The following KCNAB1 variants were observed in gnomAD, a reference collection of about 807,000 sequenced individuals.
KCNAB1 encodes the protein voltage-gated potassium channel subunit beta-1.
KCNAB1 carries 35 observed loss-of-function variants against 64.6 expected under a neutral mutation model. The ratio of observed to expected loss-of-function variants is 0.54; its 90% confidence interval spans 0.41 to 0.72. The LOEUF (loss-of-function observed/expected upper bound fraction) is 0.72, where lower values mean the gene tolerates loss of function less well. Among genes scored for constraint, KCNAB1 ranks in the 30% least tolerant of loss-of-function variants. KCNAB1 has a pLI of 0.00. For missense variants in KCNAB1, 401 were observed against 512.9 expected, an observed-to-expected ratio of 0.78 and a Z score of 2.11; for synonymous variants, 177 against 183.8, an observed-to-expected ratio of 0.96 and a Z score of 0.30.
intron 1 of KCNAB1, among the ~76,000 whole-genome samples, chr3:156,214,306 A>G (rs1302055686): frequency 6.6e-6 from 1 of 152,136 alleles, no homozygotes; most frequent in Non-Finnish European, 1.5e-5. Flanking sequence ...ACTGCTACTT[A>G]TGATTGGCAT....
intron 8 of KCNAB1, among the ~76,000 whole-genome samples, chr3:156,501,728 G>A (rs554719490): frequency 5.9e-5 from 9 of 152,068 alleles, no homozygotes; most frequent in Non-Finnish European, 1.2e-4. Flanking sequence ...CACTGCGCCC[G>A]GCCTGACTTA....
At chr3:156,251,174 T>C (rs749314117) in intron 1 of KCNAB1, among the ~76,000 whole-genome samples, 9 of 152,226 alleles carry the variant, frequency 5.9e-5, no homozygotes, top group Non-Finnish European at 1.0e-4. Context: ...TACTTGAGTA[T>C]GCTTGCAAAT....
At chr3:156,342,705 C>T (rs893486352) in intron 1 of KCNAB1, among the ~76,000 whole-genome samples, 6 of 149,532 alleles carry the variant, frequency 4.0e-5, no homozygotes, top group Admixed American at 6.8e-5. Flanking sequence ...TGGTGCGCTG[C>T]GCCCACTAAC....
chr3:156,520,587 T>C (rs1717879108), intron 11 of KCNAB1, among the ~76,000 whole-genome samples: 1 of 152,062 alleles, frequency 6.6e-6, no homozygotes, highest in African/African-American at 2.4e-5. Context: ...CGAAAAAATA[T>C]TACAAAATTA....
chr3:156,256,788 G>T (rs1718122725), intron 1 of KCNAB1, among the ~76,000 whole-genome samples: 1 of 152,194 alleles, frequency 6.6e-6, no homozygotes, highest in Admixed American at 6.5e-5. Context: ...GCTGTCCTGT[G>T]CTTCTTTGGT....
chr3:156,398,419 G>C (rs144235835), intron 1 of KCNAB1, among the ~76,000 whole-genome samples: 5,080 of 151,912 alleles, frequency 0.033, 138 homozygotes, highest in African/African-American at 0.074. Flanking sequence ...GGCGAAACCC[G>C]GTCTCTACTA....
intron 1 of KCNAB1, among the ~76,000 whole-genome samples, chr3:156,175,179 G>GT (rs1712269282): frequency 6.6e-6 from 1 of 151,654 alleles, no homozygotes; most frequent in Non-Finnish European, 1.5e-5. Flanking sequence ...TAATACAAAT[G>GT]TTTTTAATAC....
chr3:156,494,801 T>A (rs1715888727), intron 8 of KCNAB1, among the ~76,000 whole-genome samples: 1 of 152,182 alleles, frequency 6.6e-6, no homozygotes, highest in Non-Finnish European at 1.5e-5. Context: ...TGTAACCTGT[T>A]ATGTTCTGTC....
intron 1 of KCNAB1, among the ~76,000 whole-genome samples, chr3:156,281,656 C>A (rs1719735383): frequency 6.6e-6 from 1 of 152,128 alleles, no homozygotes; most frequent in Admixed American, 6.5e-5. Flanking sequence ...TGTTATTGGG[C>A]TATTCAGAGA....
chr3:156,368,287 G>C (rs1481007876), intron 1 of KCNAB1, among the ~76,000 whole-genome samples: 5 of 152,234 alleles, frequency 3.3e-5, no homozygotes, highest in Non-Finnish European at 5.9e-5. Flanking sequence ...GGCATTCTGA[G>C]TAGGGAGCAG....
intron 1 of KCNAB1, among the ~76,000 whole-genome samples, chr3:156,389,600 C>T (rs529194270): frequency 2.6e-5 from 4 of 152,318 alleles, no homozygotes; most frequent in Admixed American, 6.5e-5. Flanking sequence ...GTCAGACCTC[C>T]GCCCGGATCT....
chr3:156,301,833 C>G (rs963377809), intron 1 of KCNAB1, among the ~76,000 whole-genome samples: 4 of 152,142 alleles, frequency 2.6e-5, no homozygotes, highest in African/African-American at 9.7e-5. Context: ...CAGGACCTTC[C>G]GTGGGTTCTG....
At chr3:156,480,661 A>G (rs1014276785) in intron 8 of KCNAB1, among the ~76,000 whole-genome samples, 41 of 152,122 alleles carry the variant, frequency 2.7e-4, no homozygotes, top group African/African-American at 9.4e-4. Flanking sequence ...AATGGCATAT[A>G]TTACATTCTT....
rs555401898 is a variant in KCNAB1, at chr3:156,188,432, A to T, written c.275+67546A>T. Among the ~76,000 whole-genome samples, 4 of 152,304 alleles carry T rather than the reference A, an allele frequency of 2.6e-5. No individual in the cohort carries two copies. The East Asian group carries it at 5.8e-4, about 22-fold the overall frequency. Reference sequence around the variant, plus strand: ...ATAGCCTGCTTTGTTAAAAAAAGCCATGGTAAATATTCTTCAAAGGCTTGA... The same window carrying T: ...ATAGCCTGCTTTGTTAAAAAAAGCCTTGGTAAATATTCTTCAAAGGCTTGA... On this transcript the variant is annotated intron_variant, in intron 1 of 13. Coordinates refer to ENST00000490337, the MANE Select transcript of KCNAB1 (RefSeq NM_172160.3).
intron 2 of KCNAB1, among the ~76,000 whole-genome samples, chr3:156,440,232 G>C (rs976598683): frequency 2.6e-5 from 4 of 152,222 alleles, no homozygotes; most frequent in Non-Finnish European, 5.9e-5. Flanking sequence ...TCAAAATACT[G>C]TTGAGATAAA....
chr3:156,152,669 T>C (rs562404323), intron 1 of KCNAB1, among the ~76,000 whole-genome samples: 5 of 152,356 alleles, frequency 3.3e-5, no homozygotes, highest in Admixed American at 2.6e-4. Context: ...GTGCAGCTCA[T>C]TAAGTATCCA....
chr3:156,130,309 G>A (rs1046328644), intron 1 of KCNAB1, among the ~76,000 whole-genome samples: 27 of 152,306 alleles, frequency 1.8e-4, no homozygotes, highest in African/African-American at 6.3e-4. Context: ...GTAAAAATAG[G>A]TGTAGATGTA....
intron 13 of KCNAB1, among the ~76,000 whole-genome samples, chr3:156,533,980 A>C (rs923721924): frequency 2.0e-5 from 3 of 152,170 alleles, no homozygotes; most frequent in Non-Finnish European, 2.9e-5. Context: ...CTCCCTAGCA[A>C]GGCTTTGGCT....
At chr3:156,352,406 C>A (rs1471095542) in intron 1 of KCNAB1, among the ~76,000 whole-genome samples, 1 of 152,186 alleles carries the variant, frequency 6.6e-6, no homozygotes, top group South Asian at 2.1e-4. Flanking sequence ...GGTGTCACAG[C>A]CGCTCTAAGC....
Sources: gnomAD v4.1 joint callset for allele counts (sites outside exome capture counted in the v4.1 genomes callset) on GRCh38, gnomAD v4.1.1 for gene constraint, MANE v1.5 for transcripts, NCBI Gene and HGNC (gene_info 2026-07-23, HGNC 2026-07-21) for gene names.